Variants in PKP4 observed in about 807,000 individuals in gnomAD.
PKP4 encodes plakophilin-4.
PKP4 carries 90 observed loss-of-function variants against 145.1 expected under a neutral mutation model. The ratio of observed to expected loss-of-function variants is 0.62; its 90% CI spans 0.52 to 0.74. The LOEUF (loss-of-function observed/expected upper bound fraction) is 0.74. Among genes scored for constraint, PKP4 ranks in the 30% least tolerant of loss-of-function variants. The pLI, the probability that PKP4 is intolerant of heterozygous loss-of-function variation, is 0.00. For missense variants in PKP4, 1,340 were observed against 1,482.7 expected (o/e 0.90, Z 1.58); for synonymous variants, 563 against 577.2 (o/e 0.98, Z 0.35).
intron 10 of PKP4, among the ~76,000 whole-genome samples, chr2:158,641,781 A>T (rs956250120): frequency 7.9e-5 from 12 of 152,208 alleles, no homozygotes; most frequent in African/African-American, 2.9e-4. Context: ...GAAACTAAAT[A>T]ACTTAAGTCA....
chr2:158,565,890 A>C (rs902723938), intron 2 of PKP4, among the ~76,000 whole-genome samples: 4 of 152,226 alleles, frequency 2.6e-5, no homozygotes, highest in African/African-American at 9.7e-5. Flanking sequence ...GATATTATTG[A>C]AACCATACAG....
At chr2:158,507,777 G>GT in intron 1 of PKP4, among the ~76,000 whole-genome samples, 1 of 152,302 alleles carries the variant, frequency 6.6e-6, no homozygotes, top group South Asian at 2.1e-4. Flanking sequence ...AGAAGGTAGT[G>GT]TGGGGGGGTC....
chr2:158,668,295 T>C (rs771516991), intron 16 of PKP4, among the ~76,000 whole-genome samples: 5 of 152,192 alleles, frequency 3.3e-5, no homozygotes, highest in Admixed American at 2.0e-4. Flanking sequence ...TTGGCTCTAA[T>C]TTACCCAGTA....
intron 7 of PKP4, among the ~76,000 whole-genome samples, chr2:158,630,665 A>AGAT (rs2053258868): frequency 6.6e-6 from 1 of 152,328 alleles, no homozygotes; most frequent in South Asian, 2.1e-4. Context: ...AAGAGGTGCG[A>AGAT]GATGGTGGGC....
chr2:158,656,958 G>A (rs1203048994), intron 11 of PKP4, among the ~76,000 whole-genome samples: 2 of 152,102 alleles, frequency 1.3e-5, no homozygotes, highest in African/African-American at 2.4e-5. Context: ...TCTTGTCTCC[G>A]GGCCACGCTC....
chr2:158,482,013 T>C (rs1468458997), intron 1 of PKP4, among the ~76,000 whole-genome samples: 4 of 152,254 alleles, frequency 2.6e-5, no homozygotes, highest in South Asian at 4.1e-4. Flanking sequence ...GTAAAGTTTA[T>C]AGAGTTTTCA....
chr2:158,489,012 C>T (rs531334301), intron 1 of PKP4, among the ~76,000 whole-genome samples: 4 of 152,234 alleles, frequency 2.6e-5, no homozygotes, highest in African/African-American at 4.8e-5. Context: ...GCCGTTATTT[C>T]GTCATCTGTA....
chr2:158,680,894 T>C lies in PKP4; in HGVS notation c.*217T>C, dbSNP rs1377997538. The C allele has an allele frequency of 2.0e-6, 1 of 493,312 alleles. No homozygotes were observed. Among genetic ancestry groups the C allele is most frequent in the Non-Finnish European group, 3.5e-6 (1 of 282,176 alleles). 30.6% of individuals were successfully genotyped at this position (493,312 alleles called of 1,614,324 possible). On this transcript the variant is annotated 3_prime_UTR_variant, in exon 22 of 22. Coordinates refer to ENST00000389759, the MANE Select transcript of PKP4 (RefSeq NM_003628.6). ...CTATTTAGGTGTTAGATCTAATTAC[T>C]TATAGATTCTGTAGTCTGGTGAAGG...
intron 1 of PKP4, among the ~76,000 whole-genome samples, chr2:158,520,947 T>TTGAA (rs1301587094): frequency 6.6e-6 from 1 of 152,246 alleles, no homozygotes; most frequent in Non-Finnish European, 1.5e-5. Context: ...GTGAAACACA[T>TTGAA]TGAATGAATA....
intron 1 of PKP4, among the ~76,000 whole-genome samples, chr2:158,484,192 C>T (rs1273479864): frequency 2.6e-5 from 4 of 152,000 alleles, no homozygotes; most frequent in South Asian, 2.1e-4. Context: ...GGACTACAGG[C>T]GCCCGCCACC....
At chr2:158,609,359 A>T (rs1199346342) in intron 4 of PKP4, among the ~76,000 whole-genome samples, 1 of 152,214 alleles carries the variant, frequency 6.6e-6, no homozygotes. Context: ...AAAGACCATC[A>T]GTCCACTTAG....
At chr2:158,653,787 TATC>T (rs1365830996) in intron 11 of PKP4, among the ~76,000 whole-genome samples, 1 of 152,244 alleles carries the variant, frequency 6.6e-6, no homozygotes, top group East Asian at 1.9e-4. Flanking sequence ...AGTTAGAGGT[TATC>T]ATGTTGATGG....
chr2:158,499,497 A>G (rs979846595), intron 1 of PKP4, among the ~76,000 whole-genome samples: 5 of 152,190 alleles, frequency 3.3e-5, no homozygotes, highest in Non-Finnish European at 5.9e-5. Flanking sequence ...TTTTAGCTGG[A>G]TAACATTTTT....
intron 4 of PKP4, 122 bp from the exon 5 acceptor site, chr2:158,620,868 A>G: frequency 1.3e-6 from 1 of 766,476 alleles, no homozygotes; most frequent in South Asian, 1.7e-5. Flanking sequence ...GTGTAAGCTG[A>G]AAATAATAGC....
At chr2:158,583,985 C>T (rs1026140694) in intron 3 of PKP4, among the ~76,000 whole-genome samples, 5 of 152,126 alleles carry the variant, frequency 3.3e-5, no homozygotes, top group African/African-American at 7.2e-5. Flanking sequence ...AATGGTTTAG[C>T]GCCAGGTTCC....
At chr2:158,514,816 C>T (rs1445774770) in intron 1 of PKP4, among the ~76,000 whole-genome samples, 1 of 152,138 alleles carries the variant, frequency 6.6e-6, no homozygotes, top group East Asian at 1.9e-4. Context: ...TGTCATACGT[C>T]TGTAATCCCA....
intron 4 of PKP4, among the ~76,000 whole-genome samples, chr2:158,617,021 A>G (rs998884280): frequency 6.6e-6 from 1 of 152,202 alleles, no homozygotes; most frequent in Non-Finnish European, 1.5e-5. Context: ...TGGATAATAT[A>G]CCAGATTTTC....
chr2:158,592,830 G>A (rs768605612), intron 3 of PKP4, among the ~76,000 whole-genome samples: 5 of 152,074 alleles, frequency 3.3e-5, no homozygotes, highest in African/African-American at 7.2e-5. Flanking sequence ...AATAATGTAC[G>A]AAATTAAATT....
At chr2:158,609,416 G>A (rs1306266730) in intron 4 of PKP4, among the ~76,000 whole-genome samples, 3 of 151,984 alleles carry the variant, frequency 2.0e-5, no homozygotes, top group African/African-American at 7.2e-5. Flanking sequence ...TCGTTTTTTG[G>A]TTTCCTATAC....
Sources: gnomAD v4.1 joint callset for allele counts (sites outside exome capture counted in the v4.1 genomes callset) on GRCh38, gnomAD v4.1.1 for gene constraint, MANE v1.5 for transcripts, NCBI Gene and HGNC (gene_info 2026-07-23, HGNC 2026-07-21) for gene names.